The following STAG2 variants were observed in gnomAD, a reference collection of about 807,000 sequenced individuals.
The protein encoded by STAG2 is STAG2 cohesin complex component.
STAG2 carries 14 observed loss-of-function variants against 108.1 expected under a neutral mutation model. The observed-to-expected ratio is 0.13, with a 90% CI of 0.09 to 0.20. The LOEUF (loss-of-function observed/expected upper bound fraction) is 0.20, where lower values mean the gene tolerates loss of function less well. STAG2 is among the 10% of genes least tolerant of loss of function. The probability of loss-of-function intolerance (pLI) is 1.00; values close to 1 mark genes in which losing one functional copy is unlikely to be tolerated. For missense variants in STAG2, 440 were observed against 940.9 expected (o/e 0.47, Z 6.96); for synonymous variants, 307 against 302.7 (o/e 1.01, Z -0.15).
chrX:124,031,055 A>G lies in STAG2; in HGVS notation c.218A>G (p.His73Arg). 3.3e-6 allele frequency: 4 copies of G among 1,211,652 alleles called. No homozygotes were observed. Among genetic ancestry groups the G allele is most frequent in the Non-Finnish European group, 4.5e-6 (4 of 895,425 alleles). ...TCTGGTCCAAACCGAATGAATGGTC[A>G]TCACCAACAGAATGGAGTGGAAAAC... ...PPSGPNRMNG[H>R]HQQNGVENMM... The change falls in exon 5 of 35, where the codon CAT (histidine) becomes CGT (arginine). Residue 73 changes from histidine (H) to arginine (R), a missense_variant. His to Arg is a conservative substitution (Grantham distance 29). Around this residue, in one of 3 missense-constraint regions of STAG2, gnomAD observed 69 missense variants for 254.9 expected, o/e 0.27. Coordinates refer to ENST00000371145, the MANE Select transcript of STAG2 (RefSeq NM_001042750.2).
At position 124,027,368 on chromosome X, in the gene STAG2, A is replaced by G. The variant is rs191587892; in HGVS notation, c.123+1450A>G. On this transcript the variant is annotated intron_variant, in intron 4 of 34. Coordinates refer to ENST00000371145, the MANE Select transcript of STAG2 (RefSeq NM_001042750.2). ...TCTCTTATTTCTTTAAAAAGACTCG[A>G]GAGAGGGATATGAATAGAAATATTA... Among the ~76,000 whole-genome samples the G allele has an allele frequency of 2.7e-5, 3 of 112,565 alleles. No homozygotes were observed. The East Asian group carries it at 8.3e-4, about 31-fold the overall frequency.
chrX:123,966,017 A>G (rs2054078042), intron 1 of STAG2, among the ~76,000 whole-genome samples: 2 of 110,748 alleles, frequency 1.8e-5, no homozygotes, highest in South Asian at 7.5e-4. Context: ...TTAAAAATAA[A>G]CTAAAATGTA....
intron 1 of STAG2, among the ~76,000 whole-genome samples, chrX:123,999,118 A>G (rs1363211466): frequency 9.0e-6 from 1 of 111,433 alleles, no homozygotes; most frequent in Non-Finnish European, 1.9e-5. Flanking sequence ...AAAGAAAATA[A>G]AACCATCCTG....
At chrX:124,032,571 G>A (rs913507504) in intron 5 of STAG2, among the ~76,000 whole-genome samples, 1 of 110,778 alleles carries the variant, frequency 9.0e-6, no homozygotes, top group South Asian at 3.8e-4. Flanking sequence ...TATCCAGTGG[G>A]TAGTTTTTCA....
rs1569523144 is a variant in STAG2 at position 124,102,605 on chromosome X, G to A, written c.*2008G>A. 1.4e-5 allele frequency: 2 copies of A among 142,935 alleles called. No individual in the cohort carries two copies. The highest frequency in any genetic ancestry group is 2.8e-5 in the Non-Finnish European group (2 of 71,793). 11.8% of individuals were successfully genotyped at this position (142,935 alleles called of 1,213,427 possible). A position where few individuals can be genotyped will look rare whatever the true frequency, so the allele number is the denominator to read the frequency against. On this transcript the variant is annotated 3_prime_UTR_variant, in exon 35 of 35. Transcript: ENST00000371145. ...TAATGTGTTTGGGGAATAATTTATAGAGAATACCATCAGTTTATATTTTTA... is the reference window on the plus strand; with the variant it reads ...TAATGTGTTTGGGGAATAATTTATAAAGAATACCATCAGTTTATATTTTTA...
chrX:124,006,158 A>G, intron 1 of STAG2, among the ~76,000 whole-genome samples: 1 of 111,557 alleles, frequency 9.0e-6, no homozygotes, highest in Non-Finnish European at 1.9e-5. Flanking sequence ...AATGTTTGGG[A>G]GACACAATTA....
intron 1 of STAG2, among the ~76,000 whole-genome samples, chrX:123,993,196 TG>T (rs1205560920): frequency 9.0e-6 from 1 of 111,363 alleles, no homozygotes; most frequent in African/African-American, 3.3e-5. Flanking sequence ...CCAGTCACAG[TG>T]ACTCACACCT....
At chrX:124,005,472 C>T (rs888942861) in intron 1 of STAG2, among the ~76,000 whole-genome samples, 2 of 111,662 alleles carry the variant, frequency 1.8e-5, no homozygotes, top group Non-Finnish European at 1.9e-5. Context: ...CCCTTCTCTC[C>T]TTCCTCTATT....
At chrX:123,971,759 A>G (rs770698122) in intron 1 of STAG2, among the ~76,000 whole-genome samples, 7 of 111,778 alleles carry the variant, frequency 6.3e-5, no homozygotes, top group African/African-American at 2.3e-4. Flanking sequence ...TCCCTTTACC[A>G]TTTTCTTAGG....
intron 1 of STAG2, among the ~76,000 whole-genome samples, chrX:123,971,709 AACG>A (rs780257222): frequency 8.9e-6 from 1 of 111,888 alleles, no homozygotes; most frequent in Non-Finnish European, 1.9e-5. Context: ...ACTCTAAGAT[AACG>A]ACATCTGAGT....
At chrX:123,983,974 CTTTTTTTTTTT>C (rs199881082) in intron 1 of STAG2, among the ~76,000 whole-genome samples, 2 of 61,480 alleles carry the variant, frequency 3.3e-5, no homozygotes, top group African/African-American at 1.8e-4. Flanking sequence ...CTTTTCTTTT[CTTTTTTTTTTT>C]TTTTTTTTTT....
At chrX:123,963,936 T>G (rs918586224) in intron 1 of STAG2, among the ~76,000 whole-genome samples, 21 of 111,781 alleles carry the variant, frequency 1.9e-4, no homozygotes, top group African/African-American at 6.2e-4. Flanking sequence ...CATAGTATCT[T>G]CCTCTTAATT....
chrX:124,017,962 T>C (rs2056788616), intron 1 of STAG2, among the ~76,000 whole-genome samples: 1 of 112,278 alleles, frequency 8.9e-6, no homozygotes. Context: ...TCACTATACA[T>C]GTGAACTTAA....
chrX:124,066,426 G>A lies in STAG2; in HGVS notation c.2255G>A (p.Ser752Asn). 1 of 1,203,216 alleles carries A rather than the reference G, an allele frequency of 8.3e-7. No homozygotes were observed. Among genetic ancestry groups the A allele is most frequent in the Non-Finnish European group, 1.1e-6 (1 of 889,069 alleles). ...CAACTTGCTAAGATAACTGAAAGCAGCTCTACAAAGGTTTGTGGTGGTTCA... is the reference window on the plus strand; with the variant it reads ...CAACTTGCTAAGATAACTGAAAGCAACTCTACAAAGGTTTGTGGTGGTTCA... ...LWQLAKITES[S>N]STKEDLLRLK... The change falls in exon 23 of 35, where the codon AGC becomes AAC. Residue 752 changes from serine to asparagine, a missense_variant. Physicochemically the swap from Ser to Asn is conservative, Grantham distance 46. Transcript: ENST00000371145.
intron 2 of STAG2, among the ~76,000 whole-genome samples, chrX:124,021,957 A>C (rs2056942315): frequency 9.0e-6 from 1 of 111,521 alleles, no homozygotes; most frequent in Admixed American, 9.6e-5. Context: ...GTATTAATAT[A>C]TATATAAAGC....
intron 9 of STAG2, among the ~76,000 whole-genome samples, chrX:124,048,144 A>G (rs915657260): frequency 3.6e-5 from 4 of 111,694 alleles, no homozygotes; most frequent in African/African-American, 9.8e-5. Context: ...AATGCAGTTG[A>G]ATTCAGTAGT....
chrX:124,051,987 T>G (rs2058057873), intron 13 of STAG2, among the ~76,000 whole-genome samples: 1 of 112,202 alleles, frequency 8.9e-6, no homozygotes, highest in Non-Finnish European at 1.9e-5. Context: ...GCTCTTGAAA[T>G]AAGCACATCA....
chrX:124,002,258 A>G (rs2056077702), intron 1 of STAG2, among the ~76,000 whole-genome samples: 1 of 111,354 alleles, frequency 9.0e-6, no homozygotes, highest in South Asian at 3.7e-4. Flanking sequence ...ATTACCCTCA[A>G]GTTTCTTCTT....
intron 1 of STAG2, among the ~76,000 whole-genome samples, chrX:123,971,966 C>T (rs775788068): frequency 9.0e-6 from 1 of 111,313 alleles, no homozygotes; most frequent in Non-Finnish European, 1.9e-5. Flanking sequence ...AAAAAATATC[C>T]CTCTTTTATT....
Sources: allele counts gnomAD v4.1 joint callset (sites outside exome capture counted in the v4.1 genomes callset), GRCh38; gene constraint gnomAD v4.1.1; regional missense constraint gnomAD v4.1.1; transcripts MANE v1.5; gene names NCBI Gene and HGNC (gene_info 2026-07-23, HGNC 2026-07-21).